OLFM3: variants seen among roughly 807,000 people sequenced by gnomAD.
The protein encoded by OLFM3 is noelin-3.
Under a neutral mutation model 48.6 loss-of-function variants are expected in OLFM3, and 20 were observed. That is an observed-to-expected ratio of 0.41 (90% CI 0.29 to 0.60). OLFM3 has a LOEUF of 0.60. OLFM3 is among the 20% of genes least tolerant of loss of function. The probability of loss-of-function intolerance (pLI) is 0.28; values close to 1 mark genes in which losing one functional copy is unlikely to be tolerated. For missense variants in OLFM3, 437 were observed against 544.3 expected (o/e 0.80, Z 1.96); for synonymous variants, 222 against 198.1 (o/e 1.12, Z -1.01).
intron 1 of OLFM3, among the ~76,000 whole-genome samples, chr1:101,962,795 C>T (rs919524351): frequency 1.3e-5 from 2 of 152,106 alleles, no homozygotes; most frequent in Admixed American, 1.3e-4. Flanking sequence ...TCATTTCAAC[C>T]TGTTTGTCTC....
rs145048068 is a variant in OLFM3, at chr1:101,985,186, C to A, written c.69+11562G>T. ...TCTTTTTCTGATTCTGGGCCTCCAG[C>A]CTTCCTCTTAAAAGGACCATTTTGA... On this transcript the variant is annotated intron_variant, in intron 1 of 5. Transcript: ENST00000370103. Among the ~76,000 whole-genome samples the A allele has an allele frequency of 3.0e-4, 45 of 152,284 alleles. No individual in the cohort carries two copies. The East Asian group carries it at 7.9e-3, about 27-fold the overall frequency.
At chr1:101,845,075 A>AAT (rs2100939370) in intron 1 of OLFM3, among the ~76,000 whole-genome samples, 2 of 152,276 alleles carry the variant, frequency 1.3e-5, no homozygotes, top group Non-Finnish European at 2.9e-5. Context: ...CATTCCAGTG[A>AAT]ATACCATTTA....
intron 1 of OLFM3, among the ~76,000 whole-genome samples, chr1:101,870,712 CT>C (rs993554216): frequency 9.3e-5 from 14 of 151,090 alleles, no homozygotes; most frequent in East Asian, 5.8e-4. Context: ...TAATGGGGGT[CT>C]TTTTTTTTCA....
intron 1 of OLFM3, among the ~76,000 whole-genome samples, chr1:101,919,805 T>G (rs1659038304): frequency 6.6e-6 from 1 of 152,186 alleles, no homozygotes; most frequent in Non-Finnish European, 1.5e-5. Context: ...CTAAACTCCC[T>G]ATTTAATATG....
chr1:101,942,215 A>G (rs1659817232), intron 1 of OLFM3, among the ~76,000 whole-genome samples: 1 of 152,204 alleles, frequency 6.6e-6, no homozygotes, highest in Non-Finnish European at 1.5e-5. Flanking sequence ...ACACATATAC[A>G]AAATTCAAAT....
intron 1 of OLFM3, among the ~76,000 whole-genome samples, chr1:101,925,631 G>A (rs1040891919): frequency 2.6e-5 from 4 of 152,098 alleles, no homozygotes; most frequent in African/African-American, 4.8e-5. Context: ...AAATTCTCCT[G>A]CTTCAGCCTC....
intron 1 of OLFM3, among the ~76,000 whole-genome samples, chr1:101,869,893 C>A (rs904017329): frequency 1.3e-5 from 2 of 152,104 alleles, no homozygotes; most frequent in African/African-American, 2.4e-5. Context: ...TTCCTGAGGC[C>A]TCCCCAGCTT....
At chr1:101,875,972 T>G (rs1005512649) in intron 1 of OLFM3, among the ~76,000 whole-genome samples, 5 of 152,046 alleles carry the variant, frequency 3.3e-5, no homozygotes, top group African/African-American at 1.2e-4. Context: ...ATGACTGGCT[T>G]GCTCATGCTA....
intron 1 of OLFM3, among the ~76,000 whole-genome samples, chr1:101,898,412 A>T (rs191617763): frequency 1.2e-3 from 177 of 152,288 alleles, no homozygotes; most frequent in Non-Finnish European, 1.8e-3. Context: ...GTGTATCAAA[A>T]CTTTGAAATT....
intron 1 of OLFM3, among the ~76,000 whole-genome samples, chr1:101,858,813 G>T (rs1656531017): frequency 6.6e-6 from 1 of 152,062 alleles, no homozygotes; most frequent in African/African-American, 2.4e-5. Flanking sequence ...ACAGCCTGAA[G>T]AACTGTGAGT....
At chr1:101,813,573 G>A (rs1032085118) in intron 4 of OLFM3, among the ~76,000 whole-genome samples, 1 of 152,116 alleles carries the variant, frequency 6.6e-6, no homozygotes, top group Admixed American at 6.6e-5. Context: ...CTATAATCAG[G>A]AAATCAATAT....
rs66617960 is a variant in OLFM3 at position 101,826,129 on chromosome 1, A to AACACACACACAC, written c.373-896_373-885dup. The stretch of plus-strand genomic sequence containing the variant: ...GAAACTGAAGCATTGACTTTCGTCA[A>AACACACACACAC]ACACACACACACACACACACACACA... On this transcript the variant is annotated intron_variant, in intron 3 of 5. Coordinates refer to ENST00000370103, the MANE Select transcript of OLFM3 (RefSeq NM_058170.4). Among the ~76,000 whole-genome samples the AACACACACACAC allele has an allele frequency of 2.0e-3, 262 of 133,064 alleles. 1 individual carries two copies. The highest frequency in any genetic ancestry group is 6.9e-3 in the African/African-American group (239 of 34,506). 87.3% of individuals were successfully genotyped at this position (133,064 alleles called of 152,430 possible).
At chr1:101,890,841 T>C (rs533643558) in intron 1 of OLFM3, among the ~76,000 whole-genome samples, 3 of 151,928 alleles carry the variant, frequency 2.0e-5, no homozygotes, top group African/African-American at 7.2e-5. Context: ...TTGGGAAGAT[T>C]TGAGTACTAA....
At chr1:101,970,178 G>A (rs978007803) in intron 1 of OLFM3, among the ~76,000 whole-genome samples, 2 of 152,002 alleles carry the variant, frequency 1.3e-5, no homozygotes, top group African/African-American at 2.4e-5. Context: ...ACCACACCCC[G>A]CTAATTTTTT....
intron 1 of OLFM3, among the ~76,000 whole-genome samples, chr1:101,875,083 G>T (rs1279338382): frequency 6.6e-6 from 1 of 151,748 alleles, no homozygotes; most frequent in Non-Finnish European, 1.5e-5. Flanking sequence ...ATTAGTTTAT[G>T]AAAAAAGTAA....
At chr1:101,948,811 C>A (rs1422963141) in intron 1 of OLFM3, among the ~76,000 whole-genome samples, 2 of 149,486 alleles carry the variant, frequency 1.3e-5, no homozygotes, top group Non-Finnish European at 3.0e-5. Flanking sequence ...TGAGTCTTTT[C>A]TCTTAGCAAT....
intron 4 of OLFM3, among the ~76,000 whole-genome samples, chr1:101,815,873 C>A (rs771065815): frequency 6.6e-6 from 1 of 151,996 alleles, no homozygotes; most frequent in Admixed American, 6.6e-5. Flanking sequence ...ACAGTGAAAG[C>A]CAGGGGCTAC....
intron 1 of OLFM3, among the ~76,000 whole-genome samples, chr1:101,980,460 G>A (rs928725136): frequency 1.3e-5 from 2 of 152,128 alleles, no homozygotes; most frequent in African/African-American, 4.8e-5. Flanking sequence ...GAGTTCTCAT[G>A]AGATTTGATG....
Position 101,802,602 on chromosome 1 carries a change from A to G in OLFM3, c.*1636T>C, listed in dbSNP as rs538078536. 166 of 151,802 alleles carry G rather than the reference A, an allele frequency of 1.1e-3. No individual in the cohort carries two copies. The highest frequency in any genetic ancestry group is 3.5e-3 in the African/African-American group (147 of 41,512). 9.4% of individuals were successfully genotyped at this position (151,802 alleles called of 1,614,324 possible). A position where few individuals can be genotyped will look rare whatever the true frequency, so the allele number is the denominator to read the frequency against. The stretch of plus-strand genomic sequence containing the variant: ...CAAGATTGGGTTATTTAATTCTACA[A>G]TTTTGACAGTGAGATATTTGAGGAT... On this transcript the variant is annotated 3_prime_UTR_variant, in exon 6 of 6. Coordinates refer to ENST00000370103, the MANE Select transcript of OLFM3 (RefSeq NM_058170.4).
Sources: gnomAD v4.1 joint callset for allele counts (sites outside exome capture counted in the v4.1 genomes callset) on GRCh38, gnomAD v4.1.1 for gene constraint, MANE v1.5 for transcripts, NCBI Gene and HGNC (gene_info 2026-07-23, HGNC 2026-07-21) for gene names.